The following RGS7 variants were observed in gnomAD, a reference collection of about 807,000 sequenced individuals.
The protein encoded by RGS7 is regulator of G-protein signaling 7.
Under a neutral mutation model 81.1 loss-of-function variants are expected in RGS7, and 27 were observed. That is an observed-to-expected ratio of 0.33 (90% CI 0.25 to 0.46). The LOEUF is 0.46. Among genes scored for constraint, RGS7 ranks in the 20% least tolerant of loss-of-function variants. The pLI, the probability that RGS7 is intolerant of heterozygous loss-of-function variation, is 1.00. For synonymous variants in RGS7, 208 were observed against 207.7 expected, an observed-to-expected ratio of 1.00 and a Z score of -0.01; for missense variants, 396 against 607.4, an observed-to-expected ratio of 0.65 and a Z score of 3.66.
intron 2 of RGS7, among the ~76,000 whole-genome samples, chr1:241,226,403 G>C (rs1221545281): frequency 6.6e-6 from 1 of 152,144 alleles, no homozygotes; most frequent in Non-Finnish European, 1.5e-5. Flanking sequence ...CAAAGGGTCT[G>C]GTAGTTAGGA....
chr1:240,829,194 A>G (rs1026155196), intron 9 of RGS7, among the ~76,000 whole-genome samples: 1 of 152,142 alleles, frequency 6.6e-6, no homozygotes, highest in Non-Finnish European at 1.5e-5. Context: ...CACACACTGT[A>G]CTACAAACAT....
chr1:240,902,542 A>G (rs1670181948), intron 6 of RGS7, among the ~76,000 whole-genome samples: 1 of 152,158 alleles, frequency 6.6e-6, no homozygotes, highest in Non-Finnish European at 1.5e-5. Context: ...GATGTTTCTA[A>G]TGTTTGATGC....
chr1:241,196,175 A>G (rs930607520), intron 2 of RGS7, among the ~76,000 whole-genome samples: 2 of 152,194 alleles, frequency 1.3e-5, no homozygotes, highest in African/African-American at 4.8e-5. Context: ...AATTGAAACA[A>G]TGGAAGCCAG....
chr1:241,037,583 T>C (rs2060395365), intron 3 of RGS7, among the ~76,000 whole-genome samples: 1 of 151,792 alleles, frequency 6.6e-6, no homozygotes, highest in African/African-American at 2.4e-5. Context: ...TAGCCAGGTG[T>C]GGTGGCAGGC....
intron 3 of RGS7, among the ~76,000 whole-genome samples, chr1:241,062,095 C>G (rs2061770577): frequency 1.3e-5 from 2 of 152,218 alleles, no homozygotes; most frequent in South Asian, 4.1e-4. Flanking sequence ...AAACCTTATT[C>G]AAAAGTGATC....
intron 3 of RGS7, among the ~76,000 whole-genome samples, chr1:240,991,583 T>C (rs143869746): frequency 1.3e-3 from 203 of 152,252 alleles, no homozygotes; most frequent in African/African-American, 4.7e-3. Flanking sequence ...ATAAAGCAAG[T>C]TGTAGAAAAA....
intron 2 of RGS7, 132 bp downstream of exon 2, chr1:241,355,567 A>G (rs111549894): frequency 1.2e-6 from 1 of 810,630 alleles, no homozygotes; most frequent in Non-Finnish European, 2.2e-6. Context: ...TTTCACGTAT[A>G]TAGTACATAA....
chr1:240,793,621 T>A (rs1315723773), intron 18 of RGS7, among the ~76,000 whole-genome samples: 2 of 106,372 alleles, frequency 1.9e-5, no homozygotes, highest in Admixed American at 8.2e-5. Context: ...ATTTTTTTTT[T>A]TTTTTTGAGA....
At chr1:240,860,801 A>C (rs1467234044) in intron 9 of RGS7, among the ~76,000 whole-genome samples, 1 of 152,118 alleles carries the variant, frequency 6.6e-6, no homozygotes, top group East Asian at 1.9e-4. Flanking sequence ...TGAGTTTCAG[A>C]ATCAATTCTA....
Position 241,271,915 on chromosome 1 carries a change from G to C in RGS7, c.78+83784C>G, listed in dbSNP as rs1000300909. Among the ~76,000 whole-genome samples, 8 of 150,916 alleles carry C rather than the reference G, an allele frequency of 5.3e-5. No homozygotes were observed. Among genetic ancestry groups the C allele is most frequent in the Non-Finnish European group, 1.5e-5 (1 of 67,636 alleles). On this transcript the variant is annotated intron_variant, in intron 2 of 18. Transcript: ENST00000440928. This position sits in a 1 kb window ranked among gnomAD's most constrained non-coding sequence, Gnocchi z 4.6. The stretch of plus-strand genomic sequence containing the variant: ...TGTGTGTGTGTGTGTGTGTGTGTGT[G>C]TGTGTGTGTGTGTGTGTAGACACAC...
At chr1:241,054,632 CCTACTTCCTGACCTG>C (rs2061397599) in intron 3 of RGS7, among the ~76,000 whole-genome samples, 1 of 152,086 alleles carries the variant, frequency 6.6e-6, no homozygotes, top group African/African-American at 2.4e-5. Context: ...ACTTTTATAC[CCTACTTCCTGACCTG>C]CTACTTCCTC....
intron 9 of RGS7, among the ~76,000 whole-genome samples, chr1:240,830,593 A>T (rs1693670219): frequency 1.3e-5 from 2 of 152,236 alleles, no homozygotes; most frequent in Non-Finnish European, 2.9e-5. Context: ...CATCTAAACC[A>T]ACTATTTCAA....
At chr1:241,108,503 C>T (rs376331622) in intron 2 of RGS7, among the ~76,000 whole-genome samples, 2 of 152,088 alleles carry the variant, frequency 1.3e-5, no homozygotes, top group African/African-American at 4.8e-5. Flanking sequence ...GTAGAAAATA[C>T]CAACGATGCT....
rs962810270 is a variant in RGS7 at position 241,164,749 on chromosome 1, G to A, written c.79-65987C>T. ...AACACATCCCCTACTCAGATTCTGC[G>A]CATGGGCCACCGATTTGCAAGTGGC... On this transcript the variant is annotated intron_variant, in intron 2 of 18. Coordinates refer to ENST00000440928, the MANE Select transcript of RGS7 (RefSeq NM_001364886.1). This position sits in a 1 kb window ranked among gnomAD's most constrained non-coding sequence, Gnocchi z 4.1. 2.6e-5 allele frequency among the ~76,000 whole-genome samples: 4 copies of A among 152,148 alleles called. No individual in the cohort carries two copies. The highest frequency in any genetic ancestry group is 4.8e-5 in the African/African-American group (2 of 41,420).
intron 3 of RGS7, among the ~76,000 whole-genome samples, chr1:240,992,027 C>A (rs1686528347): frequency 6.6e-6 from 1 of 152,170 alleles, no homozygotes. Flanking sequence ...CTAGTCCAGA[C>A]ACAGTTGCTG....
intron 3 of RGS7, among the ~76,000 whole-genome samples, chr1:240,992,590 C>T (rs1254602428): frequency 6.6e-6 from 1 of 152,032 alleles, no homozygotes; most frequent in Non-Finnish European, 1.5e-5. Flanking sequence ...TGGCACTGAA[C>T]GTGCTCTATA....
At chr1:240,910,175 T>C (rs1671516005) in intron 6 of RGS7, among the ~76,000 whole-genome samples, 1 of 152,230 alleles carries the variant, frequency 6.6e-6, no homozygotes, top group Admixed American at 6.5e-5. Context: ...TTGCATGATA[T>C]ACTGTCATCA....
chr1:241,020,265 T>C (rs187454317), intron 3 of RGS7, among the ~76,000 whole-genome samples: 34 of 152,314 alleles, frequency 2.2e-4, no homozygotes, highest in Non-Finnish European at 2.9e-5. Flanking sequence ...GTCATAAAAA[T>C]TATTGCAAAC....
intron 6 of RGS7, among the ~76,000 whole-genome samples, chr1:240,916,961 C>T (rs1332209651): frequency 2.6e-5 from 4 of 152,160 alleles, no homozygotes; most frequent in Non-Finnish European, 4.4e-5. Flanking sequence ...CACATTTTGA[C>T]TTCAGAGAAC....
Sources: gnomAD v4.1 joint callset for allele counts (sites outside exome capture counted in the v4.1 genomes callset) on GRCh38, gnomAD v4.1.1 for gene constraint, Gnocchi (gnomAD v3.1) non-coding constraint, MANE v1.5 for transcripts, NCBI Gene and HGNC (gene_info 2026-07-23, HGNC 2026-07-21) for gene names.